Variants in FRMD5 observed in about 807,000 individuals in gnomAD.
FRMD5 encodes the protein FERM domain-containing protein 5.
FRMD5 carries 20 observed loss-of-function variants against 69.0 expected under a neutral mutation model. The observed-to-expected ratio is 0.29, with a 90% CI of 0.20 to 0.42. The LOEUF is 0.42. Ranked by LOEUF, FRMD5 falls within the 10% of genes least tolerant of loss-of-function variation. The probability of loss-of-function intolerance (pLI) is 1.00; values close to 1 mark genes in which losing one functional copy is unlikely to be tolerated. For synonymous variants in FRMD5, 271 were observed against 260.1 expected (o/e 1.04, Z -0.40); for missense variants, 595 against 708.6 (o/e 0.84, Z 1.82).
chr15:44,197,929 C>G (rs532268079), upstream of FRMD5, among the ~76,000 whole-genome samples: 6 of 151,948 alleles, frequency 3.9e-5, no homozygotes, highest in Admixed American at 1.3e-4. Context: ...AGTCTTTTTT[C>G]GAAGTATGGC....
intron 1 of FRMD5, among the ~76,000 whole-genome samples, chr15:44,091,852 T>C (rs1327577645): frequency 2.0e-5 from 3 of 151,976 alleles, no homozygotes; most frequent in African/African-American, 7.2e-5. Context: ...GAGCCTCTAC[T>C]CTCCTCTCTC....
chr15:43,989,186 G>A (rs1016372209), intron 1 of FRMD5: 5 of 857,524 alleles, frequency 5.8e-6, no homozygotes, highest in South Asian at 2.6e-5. Flanking sequence ...GAGTACTTGC[G>A]CTTGGGAGGA....
At chr15:44,131,859 T>C (rs1237473751) in intron 1 of FRMD5, among the ~76,000 whole-genome samples, 1 of 95,194 alleles carries the variant, frequency 1.1e-5, no homozygotes, top group Non-Finnish European at 2.6e-5. Context: ...ACTGGTTTCA[T>C]GGAAGTCAAT....
intron 1 of FRMD5, among the ~76,000 whole-genome samples, chr15:44,143,444 C>CAT (rs1442926502): frequency 1.3e-5 from 2 of 151,662 alleles, no homozygotes; most frequent in African/African-American, 4.8e-5. Flanking sequence ...AGGAGATGGG[C>CAT]ATATAGCCAA....
At chr15:44,143,892 C>G (rs1236565196) in intron 1 of FRMD5, among the ~76,000 whole-genome samples, 2 of 128,616 alleles carry the variant, frequency 1.6e-5, no homozygotes, top group African/African-American at 5.5e-5. Flanking sequence ...CCACTGCACG[C>G]CAGTCTGGGC....
rs186611279 is a variant in FRMD5 at position 43,981,648 on chromosome 15, A to G, written c.103-57339T>C. ...TTGCTTTAGTTTCAGTGCCCATATC[A>G]TAGAAGGATCCACATCATAAAAGAA... is the stretch of plus-strand genomic sequence containing the variant. On this transcript the variant is annotated intron_variant, in intron 1 of 13. Coordinates refer to ENST00000417257, the MANE Select transcript of FRMD5 (RefSeq NM_032892.5). Among the ~76,000 whole-genome samples, 87 of 152,372 alleles carry G rather than the reference A, an allele frequency of 5.7e-4. 1 individual carries two copies. The highest frequency in any genetic ancestry group is 9.0e-4 in the Non-Finnish European group (61 of 68,042).
intron 1 of FRMD5, chr15:44,063,561 G>T (rs1356478693): frequency 1.9e-6 from 1 of 521,072 alleles, no homozygotes; most frequent in Non-Finnish European, 3.7e-6. Flanking sequence ...CTGGTCACCT[G>T]GTCACCAGGG....
intron 1 of FRMD5, among the ~76,000 whole-genome samples, chr15:44,177,365 C>A (rs2077916638): frequency 6.6e-6 from 1 of 152,050 alleles, no homozygotes; most frequent in South Asian, 2.1e-4. Flanking sequence ...ATGACCTATA[C>A]AATGGGAAAT....
At chr15:44,194,487 A>C in intron 1 of FRMD5, 1 of 221,832 alleles carries the variant, frequency 4.5e-6, no homozygotes, top group Non-Finnish European at 9.1e-6. Flanking sequence ...GGGGGGAGGA[A>C]TTATGACATA....
At chr15:44,195,455 G>C (rs563810770), upstream of FRMD5, among the ~76,000 whole-genome samples, 1 of 152,196 alleles carries the variant, frequency 6.6e-6, no homozygotes, top group Non-Finnish European at 1.5e-5. Flanking sequence ...AGTCAAGCCG[G>C]AGCAGCCCTC....
At chr15:44,025,003 C>T (rs1353994795) in intron 1 of FRMD5, among the ~76,000 whole-genome samples, 1 of 152,174 alleles carries the variant, frequency 6.6e-6, no homozygotes, top group Non-Finnish European at 1.5e-5. Flanking sequence ...ACCAAACTAG[C>T]TGTATGAATT....
intron 1 of FRMD5, among the ~76,000 whole-genome samples, chr15:44,149,697 A>T (rs2140467659): frequency 6.6e-6 from 1 of 152,304 alleles, no homozygotes; most frequent in African/African-American, 2.4e-5. Context: ...ATACAGCAAG[A>T]AGATGTAACA....
At chr15:44,031,891 A>T (rs1429547870) in intron 1 of FRMD5, among the ~76,000 whole-genome samples, 2 of 152,160 alleles carry the variant, frequency 1.3e-5, no homozygotes, top group Non-Finnish European at 2.9e-5. Context: ...TATAGATGCA[A>T]ATCTTTATGG....
At chr15:44,042,473 C>A (rs910810595) in intron 1 of FRMD5, among the ~76,000 whole-genome samples, 2 of 151,932 alleles carry the variant, frequency 1.3e-5, no homozygotes, top group African/African-American at 4.8e-5. Flanking sequence ...GAGACACAAC[C>A]AAAAAAGAAA....
At chr15:44,112,087 C>G (rs1260532169) in intron 1 of FRMD5, among the ~76,000 whole-genome samples, 3 of 152,136 alleles carry the variant, frequency 2.0e-5, no homozygotes, top group Non-Finnish European at 4.4e-5. Context: ...TCGTGATCCG[C>G]CCACCTCGGC....
intron 1 of FRMD5, among the ~76,000 whole-genome samples, chr15:44,016,620 G>C (rs1329621436): frequency 1.3e-5 from 2 of 152,066 alleles, no homozygotes; most frequent in Non-Finnish European, 2.9e-5. Context: ...CTACTTGGGA[G>C]GCCAAGGCAG....
chr15:44,100,806 CATTAGACTAAATGGCCTAAACA>C (rs2076627316), intron 1 of FRMD5, among the ~76,000 whole-genome samples: 1 of 152,152 alleles, frequency 6.6e-6, no homozygotes, highest in Non-Finnish European at 1.5e-5. Flanking sequence ...TCTTTTTATT[CATTAGACTAAATGGCCTAAACA>C]AGGGAACTAG....
chr15:44,170,720 G>C (rs2077787484), intron 1 of FRMD5, among the ~76,000 whole-genome samples: 1 of 152,022 alleles, frequency 6.6e-6, no homozygotes, highest in South Asian at 2.1e-4. Context: ...AGCCACTTTT[G>C]ATGGAGTTTT....
chr15:43,875,250 T>C (rs1263335135), intron 13 of FRMD5, among the ~76,000 whole-genome samples: 1 of 150,448 alleles, frequency 6.6e-6, no homozygotes, highest in Admixed American at 6.6e-5. Context: ...CCAGCTACTT[T>C]GTAGGGGGGC....
Sources: gnomAD v4.1 joint callset for allele counts (sites outside exome capture counted in the v4.1 genomes callset) on GRCh38, gnomAD v4.1.1 for gene constraint, MANE v1.5 for transcripts, NCBI Gene and HGNC (gene_info 2026-07-23, HGNC 2026-07-21) for gene names.